Variants in ZNF385D observed in about 807,000 individuals in gnomAD.
The protein encoded by ZNF385D is zinc finger protein 659.
Under a neutral mutation model 35.8 loss-of-function variants are expected in ZNF385D, and 15 were observed. The ratio of observed to expected loss-of-function variants is 0.42; its 90% CI spans 0.28 to 0.64. The LOEUF (loss-of-function observed/expected upper bound fraction) is 0.64. Ranked by LOEUF, ZNF385D falls within the 30% of genes least tolerant of loss-of-function variation. The pLI is 0.23. For synonymous variants in ZNF385D, 212 were observed against 186.8 expected, an observed-to-expected ratio of 1.13 and a Z score of -1.10; for missense variants, 474 against 494.6, an observed-to-expected ratio of 0.96 and a Z score of 0.39.
intron 3 of ZNF385D, among the ~76,000 whole-genome samples, chr3:21,927,351 T>C (rs900318964): frequency 2.0e-5 from 3 of 152,180 alleles, no homozygotes; most frequent in Non-Finnish European, 2.9e-5. Context: ...AAATCGTGCA[T>C]TGCAATTCTG....
At chr3:22,353,486 C>T (rs1490629279) in intron 2 of ZNF385D, among the ~76,000 whole-genome samples, 1 of 152,154 alleles carries the variant, frequency 6.6e-6, no homozygotes, top group Non-Finnish European at 1.5e-5. Flanking sequence ...AATTTGAATT[C>T]ACGATGTCCT....
intron 2 of ZNF385D, among the ~76,000 whole-genome samples, chr3:21,600,987 A>G (rs2064270821): frequency 6.6e-6 from 1 of 152,124 alleles, no homozygotes; most frequent in African/African-American, 2.4e-5. Context: ...ATCCTGACAA[A>G]ATTTGCATGG....
At chr3:22,213,218 G>C (rs959473359) in intron 2 of ZNF385D, among the ~76,000 whole-genome samples, 1 of 152,048 alleles carries the variant, frequency 6.6e-6, no homozygotes, top group Non-Finnish European at 1.5e-5. Flanking sequence ...TTTGACAAAT[G>C]CTTTCTCTCA....
chr3:21,705,587 A>G (rs1000510007), intron 1 of ZNF385D, among the ~76,000 whole-genome samples: 1 of 152,220 alleles, frequency 6.6e-6, no homozygotes, highest in Non-Finnish European at 1.5e-5. Flanking sequence ...ATATGAGAGT[A>G]AGAGGACTTC....
intron 2 of ZNF385D, among the ~76,000 whole-genome samples, chr3:22,330,547 AATG>A (rs1198335408): frequency 1.3e-5 from 2 of 152,150 alleles, no homozygotes; most frequent in Non-Finnish European, 2.9e-5. Context: ...CAAGTCTTAT[AATG>A]ATATTTCAGG....
At chr3:22,309,621 C>G (rs1204680328) in intron 2 of ZNF385D, among the ~76,000 whole-genome samples, 1 of 151,916 alleles carries the variant, frequency 6.6e-6, no homozygotes, top group East Asian at 1.9e-4. Context: ...ATTTAGCTAG[C>G]TTTTTAAATT....
intron 2 of ZNF385D, among the ~76,000 whole-genome samples, chr3:21,637,781 T>C (rs1358500706): frequency 6.6e-6 from 1 of 152,142 alleles, no homozygotes; most frequent in East Asian, 1.9e-4. Flanking sequence ...ACCTAGATTC[T>C]AAATTTTAAA....
At chr3:21,812,703 C>A (rs975115327) in intron 3 of ZNF385D, among the ~76,000 whole-genome samples, 2 of 152,314 alleles carry the variant, frequency 1.3e-5, no homozygotes, top group African/African-American at 2.4e-5. Flanking sequence ...CTGGGAAGCT[C>A]GAACTGCGTG....
chr3:21,503,924 T>C (rs1163508384), intron 4 of ZNF385D, among the ~76,000 whole-genome samples: 1 of 152,142 alleles, frequency 6.6e-6, no homozygotes, highest in Non-Finnish European at 1.5e-5. Flanking sequence ...TTTGGTACCT[T>C]TAAGTCTGAT....
At chr3:21,892,183 T>G (rs896896035) in intron 3 of ZNF385D, among the ~76,000 whole-genome samples, 1 of 152,208 alleles carries the variant, frequency 6.6e-6, no homozygotes, top group African/African-American at 2.4e-5. Flanking sequence ...AATGAAATCT[T>G]ATTTTTATAA....
chr3:21,846,860 C>T (rs905993510), intron 3 of ZNF385D, among the ~76,000 whole-genome samples: 2 of 151,904 alleles, frequency 1.3e-5, no homozygotes, highest in African/African-American at 4.8e-5. Flanking sequence ...CCTTGCTGAC[C>T]AAAATATAGT....
intron 1 of ZNF385D, among the ~76,000 whole-genome samples, chr3:21,698,534 T>C (rs912195456): frequency 1.3e-5 from 2 of 152,042 alleles, no homozygotes; most frequent in Non-Finnish European, 2.9e-5. Flanking sequence ...ATGGATACAC[T>C]AGAATCTCAA....
At chr3:21,777,270 T>G (rs1185776112) in intron 3 of ZNF385D, among the ~76,000 whole-genome samples, 2 of 151,982 alleles carry the variant, frequency 1.3e-5, no homozygotes, top group African/African-American at 4.8e-5. Context: ...GAACTCATTT[T>G]CATCACATCA....
intron 3 of ZNF385D, among the ~76,000 whole-genome samples, chr3:21,563,963 G>C (rs1471201172): frequency 6.6e-6 from 1 of 152,046 alleles, no homozygotes; most frequent in Non-Finnish European, 1.5e-5. Flanking sequence ...ATAACTCCCT[G>C]AATAACTTGT....
intron 4 of ZNF385D, among the ~76,000 whole-genome samples, chr3:21,490,510 A>G (rs1415794584): frequency 6.6e-6 from 1 of 152,180 alleles, no homozygotes; most frequent in Non-Finnish European, 1.5e-5. Flanking sequence ...CCAATAGAGT[A>G]TGATGAGAGG....
chr3:22,065,530 T>G (rs1004760871), intron 3 of ZNF385D, among the ~76,000 whole-genome samples: 2 of 152,192 alleles, frequency 1.3e-5, no homozygotes, highest in South Asian at 4.1e-4. Context: ...GAGTGTACAA[T>G]AGCATCCAGA....
At chr3:21,948,788 A>T (rs1040587194) in intron 3 of ZNF385D, among the ~76,000 whole-genome samples, 2 of 152,188 alleles carry the variant, frequency 1.3e-5, no homozygotes, top group African/African-American at 4.8e-5. Flanking sequence ...AAAAATGTGA[A>T]ATTAACTATT....
intron 3 of ZNF385D, among the ~76,000 whole-genome samples, chr3:21,919,775 T>G (rs1684524): frequency 0.92 from 139,515 of 152,274 alleles, 64,011 homozygotes; most frequent in East Asian, 0.98. Flanking sequence ...CAAATTCAAA[T>G]ATTTTTAAGA....
rs564386671 is a variant in ZNF385D at position 21,992,557 on chromosome 3, T to C, written c.325+176260A>G. On this transcript the variant is annotated intron_variant, in intron 3 of 5. Coordinates refer to the ZNF385D transcript ENST00000494108. ...TAACCCATTTTCCATAGGAAGAGGA[T>C]GAAATAGTTTAAATCACTTTCTCAG... 1.6e-4 allele frequency among the ~76,000 whole-genome samples: 24 copies of C among 152,308 alleles called. No individual in the cohort carries two copies. In the South Asian group the frequency reaches 3.9e-3, roughly 25 times the overall value.
Sources: gnomAD v4.1 joint callset for allele counts (sites outside exome capture counted in the v4.1 genomes callset) on GRCh38, gnomAD v4.1.1 for gene constraint, MANE v1.5 for transcripts, NCBI Gene and HGNC (gene_info 2026-07-23, HGNC 2026-07-21) for gene names.